ZNF274: variants seen among roughly 807,000 people sequenced by gnomAD.
ZNF274 encodes the protein zinc finger protein 274.
ZNF274 carries 23 observed loss-of-function variants against 42.5 expected under a neutral mutation model. The observed-to-expected ratio is 0.54, with a 90% confidence interval of 0.39 to 0.77. ZNF274 has a LOEUF of 0.77. ZNF274 is among the 30% of genes least tolerant of loss of function. The probability of loss-of-function intolerance (pLI) is 0.00; values close to 1 mark genes in which losing one functional copy is unlikely to be tolerated. For synonymous variants in ZNF274, 292 were observed against 305.4 expected (o/e 0.96, Z 0.46); for missense variants, 679 against 806.5 (o/e 0.84, Z 1.91).
intron 4 of ZNF274, among the ~76,000 whole-genome samples, chr19:58,204,028 C>T (rs146958842): frequency 6.6e-6 from 1 of 152,298 alleles, no homozygotes; most frequent in East Asian, 1.9e-4. Flanking sequence ...GCACCTCCAG[C>T]CAAACCTGTG....
At chr19:58,199,971 C>G (rs2075890876) in intron 4 of ZNF274, among the ~76,000 whole-genome samples, 1 of 152,334 alleles carries the variant, frequency 6.6e-6, no homozygotes, top group Non-Finnish European at 1.5e-5. Flanking sequence ...CCATCAACCT[C>G]TGGAGAAATG....
chr19:58,203,404 C>T (rs1202709302), intron 4 of ZNF274, among the ~76,000 whole-genome samples: 10 of 151,952 alleles, frequency 6.6e-5, no homozygotes, highest in Non-Finnish European at 1.5e-4. Context: ...GCCAAGATGG[C>T]GAAACCCTGT....
intron 1 of ZNF274, 70 bp from the exon 2 acceptor site, chr19:58,183,851 C>G (rs1455951068): frequency 1.9e-6 from 2 of 1,077,772 alleles, no homozygotes; most frequent in Non-Finnish European, 1.3e-6. Context: ...CGTTCCTGGG[C>G]GGAGGCTGCG....
At chr19:58,200,097 T>C (rs1418843638) in intron 4 of ZNF274, among the ~76,000 whole-genome samples, 1 of 152,212 alleles carries the variant, frequency 6.6e-6, no homozygotes, top group East Asian at 1.9e-4. Context: ...AGAAGCTGTG[T>C]TGAATCAACA....
chr19:58,205,787 C>A lies in ZNF274; in HGVS notation c.257-933C>A, dbSNP rs565781140. Reference sequence around the variant, plus strand: ...TCTGTGCCAGGACCCAGAGCCCCTGCCTTTCCCATATATCCTCGTTCTTGT... The same window carrying A: ...TCTGTGCCAGGACCCAGAGCCCCTGACTTTCCCATATATCCTCGTTCTTGT... On this transcript the variant is annotated intron_variant, in intron 4 of 7. Transcript: ENST00000617501. 9.8e-5 allele frequency among the ~76,000 whole-genome samples: 15 copies of A among 152,292 alleles called. No individual in the cohort carries two copies. The South Asian group carries it at 3.1e-3, about 32-fold the overall frequency.
intron 4 of ZNF274, among the ~76,000 whole-genome samples, chr19:58,194,679 T>G (rs1425994868): frequency 6.6e-6 from 1 of 151,936 alleles, no homozygotes; most frequent in Non-Finnish European, 1.5e-5. Flanking sequence ...CCACACCTGG[T>G]CTGTTTTTTA....
In ZNF274 at chr19:58,186,967, G is replaced by C. The variant is rs752792284; in HGVS notation, c.181G>C (p.Asp61His). Reference sequence around the variant, plus strand: ...AGCAGAACATCAGCTTTCCAAACCAGATGTGGTATCTCAGTTAGAGGAGGC... The same window carrying C: ...AGCAGAACATCAGCTTTCCAAACCACATGTGGTATCTCAGTTAGAGGAGGC... Reference protein sequence around the residue: ...VSVEHQLSKPDVVSQLEEAED... With the variant: ...VSVEHQLSKPHVVSQLEEAED... The change falls in exon 4 of 8, where the codon GAT becomes CAT. Residue 61 changes from aspartate to histidine, a missense_variant. Around this residue, in one of 2 missense-constraint regions of ZNF274, gnomAD observed 223 missense variants for 216.4 expected, o/e 1.03. Coordinates refer to ENST00000617501, the MANE Select transcript of ZNF274 (RefSeq NM_133502.3). The C allele has an allele frequency of 1.9e-6, 3 of 1,613,642 alleles. No individual in the cohort carries two copies. Among genetic ancestry groups the C allele is most frequent in the Non-Finnish European group, 2.5e-6 (3 of 1,179,802 alleles).
intron 6 of ZNF274, 55 bp downstream of exon 6, chr19:58,210,128 C>A: frequency 6.9e-7 from 1 of 1,452,328 alleles, no homozygotes; most frequent in Non-Finnish European, 9.6e-7. Flanking sequence ...GAGGCAGGCC[C>A]ACCCCTGAGG....
chr19:58,195,241 G>GTATA (rs59678010), intron 4 of ZNF274, among the ~76,000 whole-genome samples: 6 of 150,106 alleles, frequency 4.0e-5, no homozygotes, highest in African/African-American at 9.8e-5. Flanking sequence ...ATATGTGTGT[G>GTATA]TATATATATA....
rs978855232 is a variant in ZNF274, at chr19:58,186,966, A to C, written c.180A>C (p.Pro60=). 8 of 1,613,636 alleles carry C rather than the reference A, an allele frequency of 5.0e-6. No homozygotes were observed. The highest frequency in any genetic ancestry group is 1.3e-5 in the African/African-American group (1 of 74,940). ...LVSVEHQLSK[P]DVVSQLEEAE... ...GAGCAGAACATCAGCTTTCCAAACC[A>C]GATGTGGTATCTCAGTTAGAGGAGG... Residue 60 remains proline, a synonymous_variant, in exon 4 of 8, where the codon CCA becomes CCC. Coordinates refer to ENST00000617501, the MANE Select transcript of ZNF274 (RefSeq NM_133502.3).
In ZNF274 at chr19:58,187,062, A is replaced by G; in HGVS notation, c.256+20A>G. 1.3e-6 allele frequency: 2 copies of G among 1,599,336 alleles called. No individual in the cohort carries two copies. Among genetic ancestry groups the G allele is most frequent in the Non-Finnish European group, 1.7e-6 (2 of 1,170,996 alleles). ...TTCCAGGTGAGAACCAGACATGGGA[A>G]GCCCCCACAGGGAAGGGGCCAACTG... On this transcript the variant is annotated intron_variant, in intron 4 of 7. Coordinates refer to ENST00000617501, the MANE Select transcript of ZNF274 (RefSeq NM_133502.3).
At chr19:58,203,716 TCAGAG>T (rs1175378466) in intron 4 of ZNF274, among the ~76,000 whole-genome samples, 2 of 151,896 alleles carry the variant, frequency 1.3e-5, no homozygotes, top group African/African-American at 4.8e-5. Context: ...TAAATACAGA[TCAGAG>T]CACTTATAAA....
intron 4 of ZNF274, among the ~76,000 whole-genome samples, chr19:58,197,787 A>G (rs2075861378): frequency 6.6e-6 from 1 of 152,214 alleles, no homozygotes; most frequent in African/African-American, 2.4e-5. Context: ...TGAGTCTGGA[A>G]TGTTGGGTGG....
intron 6 of ZNF274, chr19:58,210,439 C>T (rs1240804986): frequency 2.2e-5 from 4 of 179,492 alleles, no homozygotes; most frequent in Non-Finnish European, 4.7e-5. Flanking sequence ...AGGTATTTAT[C>T]TTTGGTATCT....
At chr19:58,184,162 G>T (rs1286424203) in intron 2 of ZNF274, 164 bp downstream of exon 2, 5 of 740,678 alleles carry the variant, frequency 6.8e-6, no homozygotes, top group East Asian at 5.5e-5. Flanking sequence ...TGGTGGAACC[G>T]CAGGTTGCTT....
At chr19:58,197,277 T>G (rs2075855032) in intron 4 of ZNF274, among the ~76,000 whole-genome samples, 1 of 152,188 alleles carries the variant, frequency 6.6e-6, no homozygotes, top group Admixed American at 6.5e-5. Context: ...AAACATCCTG[T>G]GAATGAAATC....
At chr19:58,190,807 G>A (rs1384487331) in intron 4 of ZNF274, among the ~76,000 whole-genome samples, 1 of 152,160 alleles carries the variant, frequency 6.6e-6, no homozygotes, top group African/African-American at 2.4e-5. Flanking sequence ...GGTGCAAGTG[G>A]CATCAGAACT....
At chr19:58,194,218 G>GGT (rs757552845) in intron 4 of ZNF274, among the ~76,000 whole-genome samples, 5 of 150,908 alleles carry the variant, frequency 3.3e-5, no homozygotes, top group South Asian at 2.1e-4. Context: ...TGTGTGTGTG[G>GGT]GTGTGTGTGT....
intron 4 of ZNF274, among the ~76,000 whole-genome samples, chr19:58,195,796 A>C (rs569204591): frequency 1.5e-4 from 23 of 152,172 alleles, no homozygotes; most frequent in Non-Finnish European, 2.9e-4. Flanking sequence ...AGGAACATGC[A>C]GCCTAGATCC....
Sources: allele counts gnomAD v4.1 joint callset (sites outside exome capture counted in the v4.1 genomes callset), GRCh38; gene constraint gnomAD v4.1.1; regional missense constraint gnomAD v4.1.1; transcripts MANE v1.5; gene names NCBI Gene and HGNC (gene_info 2026-07-23, HGNC 2026-07-21).